The following STK31 variants were observed in gnomAD, a reference collection of about 807,000 sequenced individuals.
STK31 encodes serine/threonine kinase 31.
STK31 carries 89 observed loss-of-function variants against 129.7 expected under a neutral mutation model. The ratio of observed to expected loss-of-function variants is 0.69; its 90% CI spans 0.58 to 0.82. The LOEUF (loss-of-function observed/expected upper bound fraction) is 0.82, where lower values mean the gene tolerates loss of function less well. Ranked by LOEUF, STK31 falls within the 40% of genes least tolerant of loss-of-function variation. STK31 has a pLI of 0.00. For synonymous variants in STK31, 448 were observed against 395.3 expected (o/e 1.13, Z -1.58); for missense variants, 1,187 against 1,176.4 (o/e 1.01, Z -0.13).
Position 23,808,169 on chromosome 7 carries a change from A to ATATATATT in STK31, c.2761-6974_2761-6973insATATATTT, listed in dbSNP as rs10643943. ...CTTTTTAATATATATATATATATAT[A>ATATATATT]TTTTTTGTAGGCAGCCACCCTGTTT... is the stretch of plus-strand genomic sequence containing the variant. On this transcript the variant is annotated intron_variant, in intron 22 of 23. Coordinates refer to ENST00000355870, the MANE Select transcript of STK31 (RefSeq NM_031414.5). Among the ~76,000 whole-genome samples, 13 of 146,420 alleles carry ATATATATT rather than the reference A, an allele frequency of 8.9e-5. 1 individual carries two copies. Among genetic ancestry groups the ATATATATT allele is most frequent in the East Asian group, 2.0e-4 (1 of 4,952 alleles).
At chr7:23,759,366 C>T (rs899710710) in intron 10 of STK31, among the ~76,000 whole-genome samples, 7 of 152,164 alleles carry the variant, frequency 4.6e-5, no homozygotes, top group African/African-American at 1.7e-4. Context: ...CTAAAATTGA[C>T]CACATAATTG....
In STK31 at chr7:23,776,258, A is replaced by G. The variant is rs193243270; in HGVS notation, c.1965+3980A>G. Reference sequence around the variant, plus strand: ...TATTTTATTGAGGATTTTTGCATCAATGTTCGTCAGGGATATTGGCCTGAA... The same window carrying G: ...TATTTTATTGAGGATTTTTGCATCAGTGTTCGTCAGGGATATTGGCCTGAA... On this transcript the variant is annotated intron_variant, in intron 15 of 23. Transcript: ENST00000355870. 2.6e-5 allele frequency among the ~76,000 whole-genome samples: 4 copies of G among 152,232 alleles called. No homozygotes were observed. In the East Asian group the frequency reaches 5.8e-4, roughly 22 times the overall value.
Position 23,769,180 on chromosome 7 carries a change from A to G in STK31, c.1596+6A>G. ...GGTTCCAAAGAACCTTAAAGGTAATAAAAGCTCCTGCCCGGTTGTGTTTGT... is the reference window on the plus strand; with the variant it reads ...GGTTCCAAAGAACCTTAAAGGTAATGAAAGCTCCTGCCCGGTTGTGTTTGT... On this transcript the variant is annotated splice_donor_region_variant and intron_variant, in intron 12 of 23. Coordinates refer to ENST00000355870, the MANE Select transcript of STK31 (RefSeq NM_031414.5). 1.3e-6 allele frequency: 2 copies of G among 1,543,320 alleles called. No homozygotes were observed. Among genetic ancestry groups the G allele is most frequent in the Non-Finnish European group, 8.7e-7 (1 of 1,149,932 alleles).
intron 15 of STK31, 111 bp from the exon 16 acceptor site, chr7:23,781,308 C>G: frequency 1.4e-6 from 1 of 734,906 alleles, no homozygotes; most frequent in South Asian, 1.7e-5. Flanking sequence ...GTGCTAGGTA[C>G]TGAAGGATAC....
Position 23,771,143 on chromosome 7 carries a change from T to G in STK31, c.1833+19T>G. The G allele has an allele frequency of 6.5e-7, 1 of 1,528,358 alleles. No homozygotes were observed. The highest frequency in any genetic ancestry group is 8.7e-7 in the Non-Finnish European group (1 of 1,144,332). 94.7% of individuals were successfully genotyped at this position (1,528,358 alleles called of 1,614,324 possible). On this transcript the variant is annotated intron_variant, in intron 14 of 23. Transcript: ENST00000355870. ...TATTGAGGTTTGATTGTGCTTTCTC[T>G]TATTGATCTTATAAATTGATGATTT...
chr7:23,744,556 T>C (rs1390422356), intron 8 of STK31, among the ~76,000 whole-genome samples: 6 of 152,192 alleles, frequency 3.9e-5, no homozygotes, highest in Non-Finnish European at 5.9e-5. Context: ...GTGCATTGGG[T>C]GTAACAGTTG....
Position 23,832,470 on chromosome 7 carries a change from G to A in STK31, c.*104G>A. On this transcript the variant is annotated 3_prime_UTR_variant, in exon 24 of 24. Transcript: ENST00000355870. Reference sequence around the variant, plus strand: ...TGGGACTAGTTGAGTTGTATCTTTAGTATTCAGGTTGTGAAAAATAAAGAT... The same window carrying A: ...TGGGACTAGTTGAGTTGTATCTTTAATATTCAGGTTGTGAAAAATAAAGAT... The A allele has an allele frequency of 1.2e-6, 1 of 809,048 alleles. No homozygotes were observed. The highest frequency in any genetic ancestry group is 2.0e-6 in the Non-Finnish European group (1 of 505,538). The allele number at this position is 809,048 out of a possible 1,614,324, so 50.1% of individuals were successfully genotyped here. A position where few individuals can be genotyped will look rare whatever the true frequency, so the allele number is the denominator to read the frequency against.
At chr7:23,737,593 G>T (rs1787791366) in intron 8 of STK31, among the ~76,000 whole-genome samples, 1 of 152,030 alleles carries the variant, frequency 6.6e-6, no homozygotes, top group Non-Finnish European at 1.5e-5. Flanking sequence ...TTATATCCAG[G>T]CAGTATTCAA....
At chr7:23,730,867 TA>T (rs1397452291) in intron 6 of STK31, among the ~76,000 whole-genome samples, 2 of 47,330 alleles carry the variant, frequency 4.2e-5, no homozygotes, top group East Asian at 1.3e-3. Flanking sequence ...TATATATATA[TA>T]TATATATATA....
intron 22 of STK31, chr7:23,811,446 T>C: frequency 3.1e-6 from 1 of 325,832 alleles, no homozygotes; most frequent in Non-Finnish European, 6.3e-6. Flanking sequence ...TTCATGACAA[T>C]ATCAATACCA....
chr7:23,830,221 T>C (rs28800309), intron 23 of STK31, among the ~76,000 whole-genome samples: 20,991 of 152,230 alleles, frequency 0.14, 2,382 homozygotes, highest in African/African-American at 0.31. Flanking sequence ...TAGCAGTTTA[T>C]TGATTTTGTT....
intron 23 of STK31, among the ~76,000 whole-genome samples, chr7:23,824,810 G>T (rs894097332): frequency 2.6e-5 from 4 of 151,108 alleles, no homozygotes; most frequent in African/African-American, 9.7e-5. Context: ...AGCATGAAGC[G>T]TTGTTGAATT....
intron 8 of STK31, among the ~76,000 whole-genome samples, chr7:23,743,537 C>T (rs767264679): frequency 2.6e-5 from 4 of 152,018 alleles, no homozygotes; most frequent in Non-Finnish European, 4.4e-5. Flanking sequence ...ATTGATGACA[C>T]GCCTTTTTCC....
At chr7:23,710,490 G>A in intron 1 of STK31, 155 bp downstream of exon 1, 1 of 1,503,880 alleles carries the variant, frequency 6.6e-7, no homozygotes, top group Non-Finnish European at 8.9e-7. Context: ...GGTGCCAGAT[G>A]CCCCAGTTTT....
chr7:23,803,067 C>A (rs1792477541), intron 22 of STK31, among the ~76,000 whole-genome samples: 1 of 152,102 alleles, frequency 6.6e-6, no homozygotes, highest in African/African-American at 2.4e-5. Flanking sequence ...TGTTTGGAAG[C>A]TATTGTGTTT....
At chr7:23,761,825 CTTTTATAG>C (rs1327299499) in intron 10 of STK31, among the ~76,000 whole-genome samples, 3 of 143,746 alleles carry the variant, frequency 2.1e-5, no homozygotes, top group African/African-American at 5.2e-5. Context: ...AAAATTCAGG[CTTTTATAG>C]TTTTATAGTT....
chr7:23,756,729 C>T (rs116037070), intron 10 of STK31, among the ~76,000 whole-genome samples: 3 of 152,188 alleles, frequency 2.0e-5, no homozygotes. Context: ...GAAGCCCTTT[C>T]TGCATCTATT....
At chr7:23,727,562 T>A in intron 5 of STK31, 1 of 273,652 alleles carries the variant, frequency 3.7e-6, no homozygotes, top group Non-Finnish European at 6.7e-6. Context: ...AGTTCTTTTT[T>A]TTTTTTTTTT....
chr7:23,743,537 C>A (rs767264679), intron 8 of STK31, among the ~76,000 whole-genome samples: 9 of 152,018 alleles, frequency 5.9e-5, no homozygotes, highest in Admixed American at 2.6e-4. Flanking sequence ...ATTGATGACA[C>A]GCCTTTTTCC....
Sources: gnomAD v4.1 joint callset for allele counts (sites outside exome capture counted in the v4.1 genomes callset) on GRCh38, gnomAD v4.1.1 for gene constraint, MANE v1.5 for transcripts, NCBI Gene and HGNC (gene_info 2026-07-23, HGNC 2026-07-21) for gene names.